Variants in TTC21A observed in about 807,000 individuals in gnomAD.
TTC21A encodes tetratricopeptide repeat protein 21A.
TTC21A carries 128 observed loss-of-function variants against 156.4 expected under a neutral mutation model. That is an observed-to-expected ratio of 0.82 (90% CI 0.71 to 0.95). TTC21A has a LOEUF of 0.95. TTC21A is among the 40% of genes least tolerant of loss of function. The pLI, the probability that TTC21A is intolerant of heterozygous loss-of-function variation, is 0.00. For missense variants in TTC21A, 1,435 were observed against 1,602.3 expected, an observed-to-expected ratio of 0.90 and a Z score of 1.78; for synonymous variants, 587 against 617.1, an observed-to-expected ratio of 0.95 and a Z score of 0.72.
At chr3:39,129,965 T>G (rs1179322317) in intron 15 of TTC21A, 114 bp from the exon 16 acceptor site, 1 of 1,087,798 alleles carries the variant, frequency 9.2e-7, no homozygotes, top group Non-Finnish European at 1.4e-6. Flanking sequence ...AAATATTGAT[T>G]GATGAATGAA....
rs367720570 is a variant in TTC21A at position 39,129,191 on chromosome 3, G to A, written c.2016G>A (p.Ala672=). ...TGAGCAAGGGCAATGTGGACGTGGC[G>A]CTGAACATGCTAAGGAACATCTTGC... ...LVLSKGNVDV[A]LNMLRNILPK... Residue 672 remains alanine, a synonymous_variant, in exon 15 of 29, where the codon GCG becomes GCA. Transcript: ENST00000683103. 9.0e-5 allele frequency: 146 copies of A among 1,614,200 alleles called. No individual in the cohort carries two copies. The African/African-American group carries it at 1.6e-3, about 18-fold the overall frequency.
At chr3:39,118,178 G>C in intron 7 of TTC21A, 25 bp downstream of exon 7, 1 of 1,611,582 alleles carries the variant, frequency 6.2e-7, no homozygotes, top group Non-Finnish European at 8.5e-7. Context: ...GACTCAGAAG[G>C]TGATCCTTGA....
At position 39,138,745 on chromosome 3, in the gene TTC21A, G is replaced by A; in HGVS notation, c.3899G>A (p.Arg1300Lys). 6.2e-7 allele frequency: 1 copy of A among 1,614,120 alleles called. No homozygotes were observed. The highest frequency in any genetic ancestry group is 1.3e-5 in the African/African-American group (1 of 75,034). Residue 1300 changes from arginine (R) to lysine (K), a missense_variant, in exon 29 of 29, where the codon AGG becomes AAG. By Grantham distance (26) the Arg-to-Lys change is conservative. Transcript: ENST00000683103. ...GAGCACCCCGACTACCCCAAGATCA[G>A]GGAGGAAATTTTGGAAAAGGCCCGA... The part of the protein sequence containing the change: ...LREHPDYPKI[R>K]EEILEKARRS...
chr3:39,108,227 C>T (rs1315910417), intron 1 of TTC21A: 4 of 409,870 alleles, frequency 9.8e-6, no homozygotes, highest in African/African-American at 2.1e-5. Flanking sequence ...CTTCCCTATA[C>T]TCATCTTCTA....
At chr3:39,108,942 G>A (rs2036531004) in intron 1 of TTC21A, 143 bp from the exon 2 acceptor site, 2 of 895,684 alleles carry the variant, frequency 2.2e-6, no homozygotes. Context: ...ACAGGATGAG[G>A]CCTGAATGTT....
At chr3:39,133,384 C>A in intron 20 of TTC21A, 144 bp downstream of exon 20, 1 of 816,604 alleles carries the variant, frequency 1.2e-6, no homozygotes, top group Non-Finnish European at 1.9e-6. Context: ...GGCCAGCTAG[C>A]AGTGGCCTCT....
chr3:39,108,913 C>T (rs1158680983), intron 1 of TTC21A, among the ~76,000 whole-genome samples, 172 bp from the exon 2 acceptor site: 2 of 152,256 alleles, frequency 1.3e-5, no homozygotes, highest in African/African-American at 4.8e-5. Context: ...CATGGAGCTG[C>T]TCCCAGGGCT....
At chr3:39,125,628 C>A in intron 11 of TTC21A, 96 bp downstream of exon 11, 1 of 920,366 alleles carries the variant, frequency 1.1e-6, no homozygotes, top group Non-Finnish European at 1.8e-6. Context: ...CTTGGCCAGT[C>A]ACAAGTAAGG....
chr3:39,134,995 C>T lies in TTC21A; in HGVS notation c.2863-98C>T. 3 of 1,056,456 alleles carry T rather than the reference C, an allele frequency of 2.8e-6. No homozygotes were observed. The highest frequency in any genetic ancestry group is 4.4e-6 in the Non-Finnish European group (3 of 676,636). 65.4% of individuals were successfully genotyped at this position (1,056,456 alleles called of 1,614,324 possible). On this transcript the variant is annotated intron_variant, in intron 21 of 28. Transcript: ENST00000683103. The surrounding 1 kb of genome is among the most constrained non-coding windows in gnomAD (Gnocchi z 4.6). ...GCCTTGCAAGTCCTTTTCTACCTTC[C>T]CTTCTTACCACCATCACCCCCATAC...
chr3:39,128,689 GC>G lies in TTC21A; in HGVS notation c.1681-24del, dbSNP rs1290408288. The stretch of plus-strand genomic sequence containing the variant: ...GCAGCAGTAGCAGCAGTGAACTGGA[GC>G]CCCACACTCTGCTGTGCTCCTCCTA... On this transcript the variant is annotated intron_variant, in intron 13 of 28. Transcript: ENST00000683103. 9 of 1,607,342 alleles carry G rather than the reference GC, an allele frequency of 5.6e-6. No individual in the cohort carries two copies. The African/African-American group carries it at 1.1e-4, about 19-fold the overall frequency.
chr3:39,117,734 T>G (rs2037412797), intron 6 of TTC21A, among the ~76,000 whole-genome samples: 1 of 152,122 alleles, frequency 6.6e-6, no homozygotes. Flanking sequence ...CTGCTATTCC[T>G]AGGATAATGC....
rs1414543567 is a variant in TTC21A, at chr3:39,130,550, T to C, written c.2320-151T>C. 1 of 1,100,216 alleles carries C rather than the reference T, an allele frequency of 9.1e-7. No individual in the cohort carries two copies. The highest frequency in any genetic ancestry group is 1.6e-5 in the African/African-American group (1 of 63,924). The allele number at this position is 1,100,216 out of a possible 1,614,324, so 68.2% of individuals were successfully genotyped here. A position where few individuals can be genotyped will look rare whatever the true frequency, so the allele number is the denominator to read the frequency against. ...TGACCACACCTGCTTAAGCTGAGGGTTACACCCTGTGCCAGCTGGGAGGAG... is the reference window on the plus strand; with the variant it reads ...TGACCACACCTGCTTAAGCTGAGGGCTACACCCTGTGCCAGCTGGGAGGAG... On this transcript the variant is annotated intron_variant, in intron 17 of 28. Coordinates refer to ENST00000683103, the MANE Select transcript of TTC21A (RefSeq NM_001366900.1). The surrounding 1 kb of genome is among the most constrained non-coding windows in gnomAD (Gnocchi z 4.5).
chr3:39,135,108 A>ACC lies in TTC21A; in HGVS notation c.2878_2879insCC (p.Met960ThrfsTer32). On this transcript the variant is annotated frameshift_variant, in exon 22 of 29. Coordinates refer to ENST00000683103, the MANE Select transcript of TTC21A (RefSeq NM_001366900.1). LOFTEE classifies it high-confidence loss of function. ...TTTCTGATAGTTGATGGCTGACCTG[A>ACC]TGTTTAGAAAACAGAAACATGAAGC... is the stretch of plus-strand genomic sequence containing the variant. 6.2e-7 allele frequency: 1 copy of ACC among 1,613,756 alleles called. No individual in the cohort carries two copies. The highest frequency in any genetic ancestry group is 8.5e-7 in the Non-Finnish European group (1 of 1,179,980).
In TTC21A at chr3:39,133,184, G is replaced by T; in HGVS notation, c.2695G>T (p.Asp899Tyr). ...AEHYLAEKEYDKAVQSYKDVF... is the reference protein window; with the variant it reads ...AEHYLAEKEYYKAVQSYKDVF... ...GCACTACCTGGCAGAGAAAGAGTATGACAAGGCGGTACAGTCTTATAAGGA... is the reference window on the plus strand; with the variant it reads ...GCACTACCTGGCAGAGAAAGAGTATTACAAGGCGGTACAGTCTTATAAGGA... The change falls in exon 20 of 29, where the codon GAC becomes TAC. Residue 899 changes from aspartate to tyrosine, a missense_variant. Coordinates refer to ENST00000683103, the MANE Select transcript of TTC21A (RefSeq NM_001366900.1). 6.2e-7 allele frequency: 1 copy of T among 1,614,244 alleles called. No individual in the cohort carries two copies. Among genetic ancestry groups the T allele is most frequent in the Non-Finnish European group, 8.5e-7 (1 of 1,180,054 alleles).
At chr3:39,127,374 T>C (rs2038356011) in intron 12 of TTC21A, among the ~76,000 whole-genome samples, 1 of 152,174 alleles carries the variant, frequency 6.6e-6, no homozygotes, top group African/African-American at 2.4e-5. Flanking sequence ...GTCCTCCCTA[T>C]GTTCATTTGG....
chr3:39,135,947 CG>C (rs1329374597), intron 22 of TTC21A, among the ~76,000 whole-genome samples: 1 of 151,046 alleles, frequency 6.6e-6, no homozygotes, highest in African/African-American at 2.4e-5. Flanking sequence ...CCCAGCTACT[CG>C]GGGGTGGGCT....
chr3:39,127,226 C>G (rs2038345867), intron 12 of TTC21A, among the ~76,000 whole-genome samples: 1 of 152,194 alleles, frequency 6.6e-6, no homozygotes, highest in Non-Finnish European at 1.5e-5. Flanking sequence ...CCCAATCCTG[C>G]CTGCCTGGAA....
chr3:39,122,449 C>T (rs1189272033), intron 9 of TTC21A, among the ~76,000 whole-genome samples: 1 of 152,112 alleles, frequency 6.6e-6, no homozygotes, highest in Non-Finnish European at 1.5e-5. Context: ...AACCCATAAG[C>T]AAACATAGGC....
Position 39,137,666 on chromosome 3 carries a change from G to C in TTC21A, c.3631G>C (p.Asp1211His). ...CATTTACTGCCAGGGCAGCAAGTTC[G>C]ACCTCGCCTTAGAACTGCTGCGGCG... ...ADIYCQGSKF[D>H]LALELLRRCV... is the part of the protein sequence containing the mutation. The change falls in exon 26 of 29, where the codon GAC (aspartate) becomes CAC (histidine). Residue 1211 changes from aspartate to histidine, a missense_variant. Asp to His is a moderately conservative substitution (Grantham distance 81). Transcript: ENST00000683103. 1 of 1,613,924 alleles carries C rather than the reference G, an allele frequency of 6.2e-7. No homozygotes were observed. Among genetic ancestry groups the C allele is most frequent in the Non-Finnish European group, 8.5e-7 (1 of 1,179,946 alleles).
Sources: allele counts gnomAD v4.1 joint callset (sites outside exome capture counted in the v4.1 genomes callset), GRCh38; gene constraint gnomAD v4.1.1; non-coding constraint Gnocchi (gnomAD v3.1); transcripts MANE v1.5; gene names NCBI Gene and HGNC (gene_info 2026-07-23, HGNC 2026-07-21).